The following ZNF334 variants were observed in gnomAD, a reference collection of about 807,000 sequenced individuals.
The protein encoded by ZNF334 is zinc finger protein 334.
A neutral mutation model predicts 12.4 loss-of-function variants in ZNF334; 14 were observed. The ratio of observed to expected loss-of-function variants is 1.13; its 90% CI spans 0.74 to 1.76. ZNF334 has a LOEUF of 1.76. ZNF334 is among the 40% of genes most tolerant of loss of function. ZNF334 has a pLI of 0.00. For synonymous variants in ZNF334, 273 were observed against 269.6 expected (o/e 1.01, Z -0.12); for missense variants, 797 against 804.5 (o/e 0.99, Z 0.11).
chr20:46,475,904 T>C, the ZNF334 span, among the ~76,000 whole-genome samples: 4 of 152,184 alleles, frequency 2.6e-5, no homozygotes, highest in African/African-American at 9.7e-5. Context: ...CCTGGCAATT[T>C]TACTAATGGG....
the ZNF334 span, among the ~76,000 whole-genome samples, chr20:46,489,706 C>T: frequency 6.6e-6 from 1 of 151,104 alleles, no homozygotes; most frequent in African/African-American, 2.4e-5. Flanking sequence ...ACTGTTCCCA[C>T]TTTGTCCCTT....
intron 2 of ZNF334, chr20:46,506,168 T>C (rs1454280303): frequency 2.5e-6 from 1 of 398,628 alleles, no homozygotes; most frequent in Non-Finnish European, 4.4e-6. Context: ...GGCAGTTTGA[T>C]ATATGGTTCT....
In ZNF334 at chr20:46,504,279, A is replaced by G; in HGVS notation, c.176T>C (p.Ile59Thr). ...CTCTTCTCCTTGCTCCAATTTGAAA[A>G]TCACATCTGGTTTGCTAACATGATA... ...VGYHVSKPDV[I>T]FKLEQGEEPW... The change falls in exon 4 of 5, where the codon ATT becomes ACT. Residue 59 changes from isoleucine to threonine, a missense_variant. Coordinates refer to ENST00000692313, the MANE Select transcript of ZNF334 (RefSeq NM_001353824.2). 1 of 1,613,910 alleles carries G rather than the reference A, an allele frequency of 6.2e-7. No individual in the cohort carries two copies. Among genetic ancestry groups the G allele is most frequent in the Non-Finnish European group, 8.5e-7 (1 of 1,179,890 alleles).
downstream of ZNF334, among the ~76,000 whole-genome samples, chr20:46,494,852 A>G (rs970324113): frequency 5.3e-5 from 8 of 152,026 alleles, no homozygotes; most frequent in East Asian, 1.3e-3. Context: ...AAACTCAAAA[A>G]TTTTTCATTG....
intron 1 of ZNF334, 32 bp from the exon 2 acceptor site, chr20:46,512,172 G>A (rs1023280119): frequency 1.7e-5 from 27 of 1,564,864 alleles, no homozygotes; most frequent in Non-Finnish European, 2.2e-5. Context: ...ATGGAATCAT[G>A]AGCGATTTGG....
chr20:46,484,275 G>A, the ZNF334 span, among the ~76,000 whole-genome samples: 1 of 152,200 alleles, frequency 6.6e-6, no homozygotes, highest in East Asian at 1.9e-4. Context: ...AAGTAATTTT[G>A]TCTTCCTAAA....
chr20:46,482,136 A>G, the ZNF334 span, among the ~76,000 whole-genome samples: 1 of 152,238 alleles, frequency 6.6e-6, no homozygotes, highest in Non-Finnish European at 1.5e-5. Context: ...TAGAGCCTGC[A>G]GCAGGGACAC....
chr20:46,476,793 T>C, the ZNF334 span, among the ~76,000 whole-genome samples: 11,572 of 152,120 alleles, frequency 0.076, 522 homozygotes, highest in East Asian at 0.18. Context: ...TTTATCATGG[T>C]TTCTGCCTTT....
At chr20:46,510,412 C>T (rs991902070) in intron 2 of ZNF334, among the ~76,000 whole-genome samples, 2 of 151,782 alleles carry the variant, frequency 1.3e-5, no homozygotes, top group East Asian at 1.9e-4. Flanking sequence ...TATGGTAGGA[C>T]GTGAGGAAAA....
chr20:46,477,134 T>C, the ZNF334 span: 1 of 152,218 alleles, frequency 6.6e-6, no homozygotes, highest in Non-Finnish European at 1.5e-5. Context: ...GTACAGCTTC[T>C]GCTTCCATAA....
Position 46,508,034 on chromosome 20 carries a change from AC to A in ZNF334, c.22-3295del, listed in dbSNP as rs533591989. Among the ~76,000 whole-genome samples the A allele has an allele frequency of 2.1e-3, 320 of 152,336 alleles. 2 individuals are homozygous for A. The highest frequency in any genetic ancestry group is 0.01 in the Middle Eastern group (3 of 294). On this transcript the variant is annotated intron_variant, in intron 2 of 4. Coordinates refer to ENST00000692313, the MANE Select transcript of ZNF334 (RefSeq NM_001353824.2). ...GAAAGTTCTGTACTTGCTCAGGCAG[AC>A]CCAGTGCACTTCATAGCAGAAAGTC...
Position 46,502,520 on chromosome 20 carries a change from AG to A in ZNF334, c.818del (p.Thr273IlefsTer4). ...GAGTGAGGCTTGTCTTCACACGAAA[AG>A]TTTTCCTACAATCACTACAAACATA... ...KPYVCSDCRK[T>X]FRVKTSLTRH... On this transcript the variant is annotated frameshift_variant, in exon 5 of 5. Coordinates refer to ENST00000692313, the MANE Select transcript of ZNF334 (RefSeq NM_001353824.2). LOFTEE classifies it low-confidence loss of function (END_TRUNC). 3.7e-6 allele frequency: 6 copies of A among 1,613,246 alleles called. No individual in the cohort carries two copies. Among genetic ancestry groups the A allele is most frequent in the Non-Finnish European group, 5.1e-6 (6 of 1,179,528 alleles).
the ZNF334 span, among the ~76,000 whole-genome samples, chr20:46,483,218 T>C: frequency 6.6e-6 from 1 of 152,212 alleles, no homozygotes; most frequent in Admixed American, 6.5e-5. Flanking sequence ...GTCCACTTAT[T>C]GATCATTTGT....
At chr20:46,469,008 T>C in the ZNF334 span, among the ~76,000 whole-genome samples, 1 of 152,288 alleles carries the variant, frequency 6.6e-6, no homozygotes, top group South Asian at 2.1e-4. Flanking sequence ...TCAAGAACAA[T>C]ACACGCTGAC....
At position 46,501,134 on chromosome 20, in the gene ZNF334, A is replaced by G; in HGVS notation, c.*162T>C. On this transcript the variant is annotated 3_prime_UTR_variant, in exon 5 of 5. Coordinates refer to ENST00000692313, the MANE Select transcript of ZNF334 (RefSeq NM_001353824.2). Reference sequence around the variant, plus strand: ...TTATTAAACAAATTATTTCTTTCCTACATGATTTCTCTGATGTTACATTGA... The same window carrying G: ...TTATTAAACAAATTATTTCTTTCCTGCATGATTTCTCTGATGTTACATTGA... 2.7e-6 allele frequency: 2 copies of G among 739,402 alleles called. No homozygotes were observed. The highest frequency in any genetic ancestry group is 4.2e-6 in the Non-Finnish European group (2 of 475,148). The allele number at this position is 739,402 out of a possible 1,614,324, so 45.8% of individuals were successfully genotyped here. A position where few individuals can be genotyped will look rare whatever the true frequency, so the allele number is the denominator to read the frequency against.
At chr20:46,480,321 C>G in the ZNF334 span, among the ~76,000 whole-genome samples, 1 of 152,138 alleles carries the variant, frequency 6.6e-6, no homozygotes, top group Admixed American at 6.5e-5. Flanking sequence ...TTCCCAACCC[C>G]TTTCTGGGAC....
At chr20:46,510,900 A>G (rs954788667) in intron 2 of ZNF334, among the ~76,000 whole-genome samples, 1 of 152,114 alleles carries the variant, frequency 6.6e-6, no homozygotes, top group Non-Finnish European at 1.5e-5. Flanking sequence ...TGAGGACTCC[A>G]TGTGCCTTCT....
chr20:46,489,871 G>C, the ZNF334 span, among the ~76,000 whole-genome samples: 1 of 152,052 alleles, frequency 6.6e-6, no homozygotes, highest in Non-Finnish European at 1.5e-5. Flanking sequence ...AACCTGTGCT[G>C]GTTCTCCATC....
chr20:46,464,444 G>A, the ZNF334 span: 1 of 517,262 alleles, frequency 1.9e-6, no homozygotes, highest in African/African-American at 1.9e-5. Context: ...ACGCTCACTG[G>A]GGCTGGCTTT....
Sources: allele counts gnomAD v4.1 joint callset (sites outside exome capture counted in the v4.1 genomes callset), GRCh38; gene constraint gnomAD v4.1.1; transcripts MANE v1.5; gene names NCBI Gene and HGNC (gene_info 2026-07-23, HGNC 2026-07-21).